The following PRKCA variants were observed in gnomAD, a reference collection of about 807,000 sequenced individuals.
PRKCA encodes protein kinase C alpha.
PRKCA carries 27 observed loss-of-function variants against 87.0 expected under a neutral mutation model. That is an observed-to-expected ratio of 0.31 (90% CI 0.23 to 0.43). The LOEUF (loss-of-function observed/expected upper bound fraction) is 0.43, where lower values mean the gene tolerates loss of function less well. Among genes scored for constraint, PRKCA ranks in the 20% least tolerant of loss-of-function variants. The pLI is 1.00. For synonymous variants in PRKCA, 329 were observed against 311.1 expected, an observed-to-expected ratio of 1.06 and a Z score of -0.61; for missense variants, 518 against 852.3, an observed-to-expected ratio of 0.61 and a Z score of 4.88.
At chr17:66,548,597 C>A (rs1486476385) in intron 3 of PRKCA, among the ~76,000 whole-genome samples, 1 of 152,026 alleles carries the variant, frequency 6.6e-6, no homozygotes, top group Non-Finnish European at 1.5e-5. Flanking sequence ...ATATCTGTAT[C>A]CCAATCCCTG....
chr17:66,462,925 AACACACACACACACACACACACAC>A (rs58085398), intron 2 of PRKCA, among the ~76,000 whole-genome samples: 2 of 147,548 alleles, frequency 1.4e-5, no homozygotes, highest in African/African-American at 4.9e-5. Context: ...CACACATGCA[AACACACACACACACACACACACAC>A]ACACACACAC....
chr17:66,429,088 C>T (rs1315274070), intron 2 of PRKCA, among the ~76,000 whole-genome samples: 2 of 152,040 alleles, frequency 1.3e-5, no homozygotes, highest in East Asian at 1.9e-4. Context: ...TTTTCACGCT[C>T]TTCCGCCAGA....
chr17:66,605,676 C>T lies in PRKCA; in HGVS notation c.289-35679C>T, dbSNP rs1010428783. Among the ~76,000 whole-genome samples the T allele has an allele frequency of 2.0e-5, 3 of 152,240 alleles. No individual in the cohort carries two copies. In the East Asian group the frequency reaches 5.8e-4, roughly 29 times the overall value. On this transcript the variant is annotated intron_variant, in intron 3 of 16. Transcript: ENST00000413366. ...TCATAGCAGCATCATTCATAGTAGC[C>T]AAATGTCCATCAGCTGATGAATGGC...
At chr17:66,657,876 A>G (rs1348776576) in intron 5 of PRKCA, among the ~76,000 whole-genome samples, 2 of 152,124 alleles carry the variant, frequency 1.3e-5, no homozygotes, top group African/African-American at 2.4e-5. Flanking sequence ...AAATCCCAGC[A>G]TACTTTACAT....
chr17:66,691,566 A>G (rs538420972), intron 8 of PRKCA, among the ~76,000 whole-genome samples: 1 of 152,088 alleles, frequency 6.6e-6, no homozygotes, highest in Non-Finnish European at 1.5e-5. Flanking sequence ...GGGGTACTGG[A>G]CAGGACCACC....
chr17:66,785,989 C>T (rs753165880), intron 14 of PRKCA, among the ~76,000 whole-genome samples: 21 of 152,166 alleles, frequency 1.4e-4, no homozygotes, highest in South Asian at 2.1e-4. Flanking sequence ...CCACCATGCC[C>T]GGCTAATTTT....
intron 3 of PRKCA, among the ~76,000 whole-genome samples, chr17:66,583,727 T>G (rs1969513180): frequency 6.6e-6 from 1 of 152,194 alleles, no homozygotes; most frequent in African/African-American, 2.4e-5. Flanking sequence ...TATTTTTCTT[T>G]TTTTGAAGTT....
Position 66,650,354 on chromosome 17 carries a change from G to A in PRKCA, c.529+4843G>A, listed in dbSNP as rs564751779. 4.9e-4 allele frequency among the ~76,000 whole-genome samples: 52 copies of A among 105,324 alleles called. No individual in the cohort carries two copies. In the South Asian group the frequency reaches 0.015, roughly 30 times the overall value. The allele number at this position is 105,324 out of a possible 152,430, so 69.1% of individuals were successfully genotyped here. On this transcript the variant is annotated intron_variant, in intron 5 of 16. Transcript: ENST00000413366. ...GTGCTGATATTATCAGAATGGTGTC[G>A]GGGTTTTTTTTTCTTCTTCTGATAG...
chr17:66,775,361 G>A (rs1975023910), intron 14 of PRKCA: 6 of 985,170 alleles, frequency 6.1e-6, no homozygotes, highest in African/African-American at 1.7e-5. Flanking sequence ...GATATCTTAG[G>A]GGCCGGCCTA....
chr17:66,575,367 T>TC (rs1969204779), intron 3 of PRKCA, among the ~76,000 whole-genome samples: 2 of 151,898 alleles, frequency 1.3e-5, no homozygotes, highest in Admixed American at 1.3e-4. Flanking sequence ...TCACCTGAGG[T>TC]CAAGAGTTCT....
intron 13 of PRKCA, 90 bp downstream of exon 13, chr17:66,742,850 G>A: frequency 2.1e-6 from 3 of 1,429,422 alleles, no homozygotes; most frequent in Non-Finnish European, 2.8e-6. Context: ...GGCGAATCAT[G>A]AAGTCAGTGC....
chr17:66,578,264 G>A (rs966976428), intron 3 of PRKCA, among the ~76,000 whole-genome samples: 2 of 152,200 alleles, frequency 1.3e-5, no homozygotes, highest in African/African-American at 4.8e-5. Context: ...ACCTGCAGCA[G>A]GTAGAGCCCA....
chr17:66,562,152 AATT>A (rs1316532220), intron 3 of PRKCA, among the ~76,000 whole-genome samples: 6,453 of 51,060 alleles, frequency 0.13, 1,126 homozygotes, highest in South Asian at 0.18. Flanking sequence ...TATATAATTA[AATT>A]ATATATATAA....
intron 3 of PRKCA, among the ~76,000 whole-genome samples, chr17:66,511,870 A>G (rs1917246433): frequency 6.6e-6 from 1 of 151,830 alleles, no homozygotes; most frequent in African/African-American, 2.4e-5. Context: ...TAGTGGAGAC[A>G]GGGTTTCACC....
intron 2 of PRKCA, among the ~76,000 whole-genome samples, chr17:66,387,540 C>T (rs59315496): frequency 0.045 from 6,888 of 152,282 alleles, 355 homozygotes; most frequent in African/African-American, 0.13. Context: ...TTTCATCTTG[C>T]CCTTCCTACA....
intron 8 of PRKCA, among the ~76,000 whole-genome samples, chr17:66,705,085 A>G (rs1204913180): frequency 1.3e-5 from 2 of 152,238 alleles, no homozygotes; most frequent in African/African-American, 4.8e-5. Flanking sequence ...ACAAAACAAA[A>G]AAATCTATGT....
chr17:66,704,078 T>C (rs1181072979), intron 8 of PRKCA, among the ~76,000 whole-genome samples: 1 of 151,958 alleles, frequency 6.6e-6, no homozygotes, highest in African/African-American at 2.4e-5. Flanking sequence ...CCATCATTTA[T>C]GCAGTCCATC....
chr17:66,584,440 G>A (rs1473016917), intron 3 of PRKCA, among the ~76,000 whole-genome samples: 1 of 152,094 alleles, frequency 6.6e-6, no homozygotes, highest in Non-Finnish European at 1.5e-5. Context: ...TGATCAGGCT[G>A]GTTTTGACCT....
chr17:66,408,898 A>G (rs1911581912), intron 2 of PRKCA, among the ~76,000 whole-genome samples: 1 of 151,926 alleles, frequency 6.6e-6, no homozygotes, highest in East Asian at 1.9e-4. Flanking sequence ...CTAAAAATAC[A>G]AAAATTAGCC....
Sources: gnomAD v4.1 joint callset for allele counts (sites outside exome capture counted in the v4.1 genomes callset) on GRCh38, gnomAD v4.1.1 for gene constraint, MANE v1.5 for transcripts, NCBI Gene and HGNC (gene_info 2026-07-23, HGNC 2026-07-21) for gene names.